The following MTHFD1L variants were observed in gnomAD, a reference collection of about 807,000 sequenced individuals.
The protein encoded by MTHFD1L is monofunctional C1-tetrahydrofolate synthase, mitochondrial.
MTHFD1L carries 81 observed loss-of-function variants against 119.5 expected under a neutral mutation model. That is an observed-to-expected ratio of 0.68 (90% CI 0.57 to 0.82). MTHFD1L has a LOEUF of 0.82. Among genes scored for constraint, MTHFD1L ranks in the 40% least tolerant of loss-of-function variants. The pLI, the probability that MTHFD1L is intolerant of heterozygous loss-of-function variation, is 0.00. For missense variants in MTHFD1L, 1,125 were observed against 1,253.4 expected (o/e 0.90, Z 1.55); for synonymous variants, 430 against 475.2 (o/e 0.90, Z 1.24).
chr6:151,077,105 A>G (rs1054017884), intron 26 of MTHFD1L, among the ~76,000 whole-genome samples: 3 of 152,150 alleles, frequency 2.0e-5, no homozygotes, highest in African/African-American at 7.2e-5. Context: ...GACAGAAGAA[A>G]CCAGAAGGGA....
chr6:151,080,880 C>T (rs1786424593), intron 26 of MTHFD1L, among the ~76,000 whole-genome samples: 1 of 152,100 alleles, frequency 6.6e-6, no homozygotes, highest in Non-Finnish European at 1.5e-5. Flanking sequence ...GATTAGGGCC[C>T]CATGCTTATG....
At chr6:150,928,592 AGTGCACTG>A (rs1790454293) in intron 11 of MTHFD1L, among the ~76,000 whole-genome samples, 1 of 146,168 alleles carries the variant, frequency 6.8e-6, no homozygotes, top group African/African-American at 2.6e-5. Context: ...CCCAGGCTGG[AGTGCACTG>A]GTGCGATTTT....
At chr6:150,870,610 TA>T (rs199625710) in intron 1 of MTHFD1L, among the ~76,000 whole-genome samples, 25 of 151,120 alleles carry the variant, frequency 1.7e-4, no homozygotes, top group Admixed American at 6.6e-4. Context: ...GCGTTTTGTC[TA>T]AAAAAAAACC....
chr6:150,866,671 A>C, intron 1 of MTHFD1L: 2 of 1,175,868 alleles, frequency 1.7e-6, no homozygotes, highest in East Asian at 3.7e-5. Context: ...GCCGGGGGGA[A>C]TCCGAGAGGT....
intron 19 of MTHFD1L, among the ~76,000 whole-genome samples, chr6:150,965,646 G>C (rs1797092444): frequency 7.0e-6 from 1 of 142,802 alleles, no homozygotes; most frequent in South Asian, 2.4e-4. Flanking sequence ...GGGCGACAGA[G>C]CGAGACTCCG....
At chr6:150,978,461 C>T (rs563159054) in intron 20 of MTHFD1L, among the ~76,000 whole-genome samples, 1 of 152,300 alleles carries the variant, frequency 6.6e-6, no homozygotes, top group Admixed American at 6.5e-5. Context: ...CAGGTGCTTC[C>T]TGGGTACATG....
At chr6:150,892,889 A>T (rs76455993) in intron 7 of MTHFD1L, among the ~76,000 whole-genome samples, 7,933 of 152,178 alleles carry the variant, frequency 0.052, 284 homozygotes, top group Middle Eastern at 0.15. Context: ...TAATATGGAG[A>T]CATGGTAATA....
chr6:151,038,396 G>A (rs1584261450), intron 26 of MTHFD1L, among the ~76,000 whole-genome samples: 1 of 152,128 alleles, frequency 6.6e-6, no homozygotes, highest in African/African-American at 2.4e-5. Flanking sequence ...GATCCGATGT[G>A]GCTGGAGTTG....
intron 7 of MTHFD1L, among the ~76,000 whole-genome samples, chr6:150,895,705 A>G (rs1784105905): frequency 6.8e-6 from 1 of 147,480 alleles, no homozygotes; most frequent in South Asian, 2.2e-4. Flanking sequence ...AAAGACTTTT[A>G]AAAGTGAATT....
chr6:150,922,353 GCC>G (rs1191656887), intron 10 of MTHFD1L, 51 bp downstream of exon 10: 1 of 1,447,536 alleles, frequency 6.9e-7, no homozygotes, highest in African/African-American at 1.4e-5. Context: ...CAGTGCCTTA[GCC>G]CTAGTTAGTC....
rs551398756 is a variant in MTHFD1L at position 151,077,959 on chromosome 6, A to G, written c.2848-14508A>G. Among the ~76,000 whole-genome samples the G allele has an allele frequency of 1.2e-4, 17 of 147,256 alleles. No homozygotes were observed. The South Asian group carries it at 2.7e-3, about 24-fold the overall frequency. On this transcript the variant is annotated intron_variant, in intron 26 of 27. Coordinates refer to ENST00000367321, the MANE Select transcript of MTHFD1L (RefSeq NM_015440.5). Reference sequence around the variant, plus strand: ...CCAGCTACTCCGGAGAGGCTGAGGCAGGAGAATGGCATGAACCCAGGAGGT... The same window carrying G: ...CCAGCTACTCCGGAGAGGCTGAGGCGGGAGAATGGCATGAACCCAGGAGGT...
chr6:150,972,115 G>A, intron 20 of MTHFD1L, 57 bp downstream of exon 20: 1 of 1,452,188 alleles, frequency 6.9e-7, no homozygotes, highest in South Asian at 1.2e-5. Context: ...TCTAAAAGCT[G>A]ATGACTGGAA....
At chr6:150,984,649 T>G (rs1452249731) in intron 20 of MTHFD1L, among the ~76,000 whole-genome samples, 1 of 151,990 alleles carries the variant, frequency 6.6e-6, no homozygotes, top group Admixed American at 6.6e-5. Flanking sequence ...TATGATGATG[T>G]TCACGTTTTT....
intron 20 of MTHFD1L, among the ~76,000 whole-genome samples, chr6:150,975,278 C>T (rs1222589792): frequency 6.6e-6 from 1 of 152,196 alleles, no homozygotes; most frequent in African/African-American, 2.4e-5. Flanking sequence ...AACTCTAGCC[C>T]TGTAATGTTG....
chr6:151,088,115 T>G (rs774598108), intron 26 of MTHFD1L: 1 of 152,174 alleles, frequency 6.6e-6, no homozygotes, highest in Non-Finnish European at 1.5e-5. Flanking sequence ...TTTTTTTTAT[T>G]GGGAGAAAAT....
At chr6:151,082,120 T>A (rs1793250322) in intron 26 of MTHFD1L, among the ~76,000 whole-genome samples, 1 of 152,240 alleles carries the variant, frequency 6.6e-6, no homozygotes, top group Non-Finnish European at 1.5e-5. Context: ...AATTGATTTG[T>A]TTTCCACACG....
chr6:150,876,733 G>A (rs1048585505), intron 2 of MTHFD1L, among the ~76,000 whole-genome samples: 1 of 152,204 alleles, frequency 6.6e-6, no homozygotes, highest in Non-Finnish European at 1.5e-5. Context: ...GTGATGGCAG[G>A]TGCTGAGAAA....
chr6:150,942,530 A>T (rs1562424030), intron 13 of MTHFD1L, among the ~76,000 whole-genome samples: 2 of 152,286 alleles, frequency 1.3e-5, no homozygotes, highest in Non-Finnish European at 2.9e-5. Context: ...GTATGGGAAT[A>T]TAGATCATTT....
intron 7 of MTHFD1L, among the ~76,000 whole-genome samples, chr6:150,903,239 A>C: frequency 1.0e-5 from 1 of 97,290 alleles, no homozygotes; most frequent in East Asian, 2.8e-4. Context: ...TTTTTTTGAG[A>C]CAGAGTCTTG....
Sources: allele counts gnomAD v4.1 joint callset (sites outside exome capture counted in the v4.1 genomes callset), GRCh38; gene constraint gnomAD v4.1.1; transcripts MANE v1.5; gene names NCBI Gene and HGNC (gene_info 2026-07-23, HGNC 2026-07-21).